Variants in CACNA2D1 observed in about 807,000 individuals in gnomAD.
The protein encoded by CACNA2D1 is voltage-dependent calcium channel subunit alpha-2/delta-1.
Under a neutral mutation model 171.5 loss-of-function variants are expected in CACNA2D1, and 53 were observed. That is an observed-to-expected ratio of 0.31 (90% CI 0.25 to 0.39). The LOEUF is 0.39. CACNA2D1 is among the 10% of genes least tolerant of loss of function. CACNA2D1 has a pLI of 1.00. For synonymous variants in CACNA2D1, 442 were observed against 443.1 expected, an observed-to-expected ratio of 1.00 and a Z score of 0.03; for missense variants, 903 against 1,299.8, an observed-to-expected ratio of 0.69 and a Z score of 4.69.
intron 3 of CACNA2D1, among the ~76,000 whole-genome samples, chr7:82,282,346 T>G (rs923348235): frequency 6.6e-6 from 1 of 152,120 alleles, no homozygotes; most frequent in East Asian, 1.9e-4. Flanking sequence ...ATTGCAGTTA[T>G]GTTCGGATCC....
intron 3 of CACNA2D1, among the ~76,000 whole-genome samples, chr7:82,255,133 C>T (rs1337477024): frequency 6.6e-6 from 1 of 152,160 alleles, no homozygotes; most frequent in African/African-American, 2.4e-5. Flanking sequence ...TTGGATTTCT[C>T]TGCTTGAAAA....
chr7:82,199,613 T>A (rs917555456), intron 3 of CACNA2D1, among the ~76,000 whole-genome samples: 2 of 152,066 alleles, frequency 1.3e-5, no homozygotes, highest in Non-Finnish European at 2.9e-5. Flanking sequence ...ATTGATTAAC[T>A]TTTTTCAGCC....
At chr7:82,197,081 A>G (rs1373878673) in intron 3 of CACNA2D1, among the ~76,000 whole-genome samples, 3 of 152,020 alleles carry the variant, frequency 2.0e-5, no homozygotes, top group African/African-American at 7.2e-5. Flanking sequence ...GTTGCTATCA[A>G]ATAAATGCCT....
chr7:82,113,576 C>T (rs1788690961), intron 6 of CACNA2D1, among the ~76,000 whole-genome samples: 1 of 152,102 alleles, frequency 6.6e-6, no homozygotes, highest in African/African-American at 2.4e-5. Context: ...AAGTAATCAT[C>T]TTTGTGAAAT....
chr7:82,279,829 T>C (rs1809852227), intron 3 of CACNA2D1, among the ~76,000 whole-genome samples: 1 of 152,140 alleles, frequency 6.6e-6, no homozygotes, highest in African/African-American at 2.4e-5. Context: ...TTTAGAGTTA[T>C]TTTTTTAACC....
chr7:82,380,498 C>T (rs1024310745), intron 1 of CACNA2D1, among the ~76,000 whole-genome samples: 3 of 152,050 alleles, frequency 2.0e-5, no homozygotes, highest in African/African-American at 7.2e-5. Context: ...TCTAGACATT[C>T]TGCTAGAACA....
chr7:82,263,374 GA>G, intron 3 of CACNA2D1, among the ~76,000 whole-genome samples: 1 of 152,030 alleles, frequency 6.6e-6, no homozygotes, highest in Admixed American at 6.5e-5. Context: ...GCATCCCAAA[GA>G]GCTGGGATTA....
At chr7:82,215,439 T>A (rs948862546) in intron 3 of CACNA2D1, among the ~76,000 whole-genome samples, 1 of 152,132 alleles carries the variant, frequency 6.6e-6, no homozygotes, top group African/African-American at 2.4e-5. Flanking sequence ...TCAGTAACAG[T>A]ATCAGAAACA....
chr7:81,958,103 G>GA (rs374290446), intron 38 of CACNA2D1, among the ~76,000 whole-genome samples: 235 of 137,038 alleles, frequency 1.7e-3, no homozygotes, highest in Middle Eastern at 3.5e-3. Context: ...ATCTTAAAAA[G>GA]AAAAAAAAAA....
chr7:82,124,379 A>T (rs1790090543), intron 5 of CACNA2D1, among the ~76,000 whole-genome samples: 1 of 152,050 alleles, frequency 6.6e-6, no homozygotes, highest in Non-Finnish European at 1.5e-5. Flanking sequence ...GTCCCCTCCC[A>T]CAACCAATCA....
chr7:82,356,498 C>T (rs200297858), intron 1 of CACNA2D1, among the ~76,000 whole-genome samples: 1 of 152,186 alleles, frequency 6.6e-6, no homozygotes, highest in African/African-American at 2.4e-5. Context: ...TTGTGCTGTG[C>T]GCTTATTTCC....
chr7:82,093,578 T>C (rs922066278), intron 6 of CACNA2D1, among the ~76,000 whole-genome samples: 1 of 152,154 alleles, frequency 6.6e-6, no homozygotes, highest in Admixed American at 6.5e-5. Context: ...AACCTTTCCA[T>C]TTCAATTGCT....
intron 6 of CACNA2D1, among the ~76,000 whole-genome samples, chr7:82,086,214 A>G (rs1398448629): frequency 6.6e-6 from 1 of 152,236 alleles, no homozygotes; most frequent in Non-Finnish European, 1.5e-5. Context: ...TTTTAAAGGT[A>G]AAATTAAAAA....
intron 10 of CACNA2D1, among the ~76,000 whole-genome samples, chr7:82,055,769 G>A (rs1376575315): frequency 2.4e-5 from 2 of 82,468 alleles, no homozygotes; most frequent in African/African-American, 4.8e-5. Context: ...GTTGTAGGGT[G>A]GGGGGAGGGG....
At chr7:82,435,834 G>A (rs891181724) in intron 1 of CACNA2D1, among the ~76,000 whole-genome samples, 3 of 151,988 alleles carry the variant, frequency 2.0e-5, no homozygotes, top group African/African-American at 7.3e-5. Flanking sequence ...TGCAAATGTC[G>A]ATGTAATATG....
intron 38 of CACNA2D1, among the ~76,000 whole-genome samples, chr7:81,952,914 A>C (rs1489355110): frequency 6.6e-6 from 1 of 151,972 alleles, no homozygotes; most frequent in Non-Finnish European, 1.5e-5. Flanking sequence ...CCTTGCCCCT[A>C]ATATAATTCT....
intron 12 of CACNA2D1, among the ~76,000 whole-genome samples, chr7:82,022,175 T>C (rs1801297565): frequency 6.6e-6 from 1 of 151,408 alleles, no homozygotes; most frequent in Non-Finnish European, 1.5e-5. Flanking sequence ...ACAACACTAA[T>C]TTTACTCTAT....
chr7:82,114,105 GGAAA>G (rs1277102436), intron 6 of CACNA2D1, among the ~76,000 whole-genome samples: 8 of 151,852 alleles, frequency 5.3e-5, no homozygotes, highest in African/African-American at 1.9e-4. Flanking sequence ...ATTTTAAATT[GGAAA>G]GAAAAACATT....
At chr7:82,290,953 CA>C (rs1457318725) in intron 3 of CACNA2D1, among the ~76,000 whole-genome samples, 1 of 149,910 alleles carries the variant, frequency 6.7e-6, no homozygotes, top group Non-Finnish European at 1.5e-5. Context: ...CTTCTAGAGC[CA>C]GTCATTTTCT....
Sources: gnomAD v4.1 joint callset for allele counts (sites outside exome capture counted in the v4.1 genomes callset) on GRCh38, gnomAD v4.1.1 for gene constraint, MANE v1.5 for transcripts, NCBI Gene and HGNC (gene_info 2026-07-23, HGNC 2026-07-21) for gene names.